The following BRI3 variants were observed in gnomAD, a reference collection of about 807,000 sequenced individuals.
BRI3 encodes the protein brain protein I3, also known as membrane protein BRI3.
BRI3 carries 6 observed loss-of-function variants against 12.8 expected under a neutral mutation model. The observed-to-expected ratio is 0.47, with a 90% CI of 0.26 to 0.93. BRI3 has a LOEUF of 0.93. Ranked by LOEUF, BRI3 falls within the 40% of genes least tolerant of loss-of-function variation. BRI3 has a pLI of 0.15. For missense variants in BRI3, 134 were observed against 171.1 expected (o/e 0.78, Z 1.21); for synonymous variants, 91 against 76.1 (o/e 1.20, Z -1.02).
chr7:98,319,113 C>CA, the BRI3 span, among the ~76,000 whole-genome samples: 6 of 152,168 alleles, frequency 3.9e-5, no homozygotes, highest in Admixed American at 1.3e-4. Flanking sequence ...ACGAGGACGA[C>CA]AGGGGAGGGA....
In BRI3 at chr7:98,281,726, CGCCGCCGCGTCCCCCGCCGGG is replaced by C. The variant is rs1168485065; in HGVS notation, c.-65_-45del. The C allele has an allele frequency of 3.5e-6, 3 of 851,456 alleles. No homozygotes were observed. The highest frequency in any genetic ancestry group is 4.2e-6 in the Non-Finnish European group (3 of 713,538). 52.7% of individuals were successfully genotyped at this position (851,456 alleles called of 1,614,324 possible). ...ACCCGGTCCGCCGCGTCCCCGCCGCCGCCGCCGCGTCCCCCGCCGGGGCCGACCGAGCCGAGCCGGGCCGGA... is the reference window on the plus strand; with the variant it reads ...ACCCGGTCCGCCGCGTCCCCGCCGCCGCCGACCGAGCCGAGCCGGGCCGGA... On this transcript the variant is annotated 5_prime_UTR_variant, in exon 1 of 3. Transcript: ENST00000297290.
chr7:98,307,278 G>T (rs1800695459), intron 1 of BRI3: 1 of 514,252 alleles, frequency 1.9e-6, no homozygotes, highest in Non-Finnish European at 2.6e-6. Context: ...GCTAATTTTT[G>T]TATTTTTCGT....
At chr7:98,289,292 G>A (rs749973318) in intron 2 of BRI3, among the ~76,000 whole-genome samples, 3 of 152,234 alleles carry the variant, frequency 2.0e-5, no homozygotes, top group Non-Finnish European at 4.4e-5. Context: ...CCCGACTTCA[G>A]AATATTCTGG....
At chr7:98,301,690 T>A (rs931694207), upstream of BRI3, among the ~76,000 whole-genome samples, 2 of 151,954 alleles carry the variant, frequency 1.3e-5, no homozygotes, top group Admixed American at 1.3e-4. Flanking sequence ...CACGCGCGTC[T>A]GTGTGTGTGG....
At chr7:98,283,841 C>T (rs1259574548) in intron 2 of BRI3, among the ~76,000 whole-genome samples, 1 of 152,174 alleles carries the variant, frequency 6.6e-6, no homozygotes, top group Non-Finnish European at 1.5e-5. Context: ...TGCCCAAACC[C>T]CTGAACTTGG....
In BRI3 at chr7:98,307,700, G is replaced by T. The variant is rs147254651; in HGVS notation, n.330G>T. 6 of 1,613,930 alleles carry T rather than the reference G, an allele frequency of 3.7e-6. No individual in the cohort carries two copies. In the Admixed American group the frequency reaches 8.3e-5, roughly 22 times the overall value. Reference sequence around the variant, plus strand: ...ACGCCCAGACTTACGCCTTGGACACGTCGTGTTCTCCATAGAGCCAGCCAT... The same window carrying T: ...ACGCCCAGACTTACGCCTTGGACACTTCGTGTTCTCCATAGAGCCAGCCAT... On this transcript the variant is annotated non_coding_transcript_exon_variant, in exon 2 of 2. Transcript: ENST00000485422.
chr7:98,291,007 A>G (rs1357479758), intron 2 of BRI3, 104 bp from the exon 3 acceptor site: 7 of 1,333,064 alleles, frequency 5.3e-6, no homozygotes, highest in East Asian at 2.3e-5. Flanking sequence ...TCCCCATGTG[A>G]CTCATGGCCA....
At chr7:98,314,272 C>A (rs1265564701), downstream of BRI3, among the ~76,000 whole-genome samples, 3 of 152,084 alleles carry the variant, frequency 2.0e-5, no homozygotes, top group Admixed American at 1.3e-4. Context: ...CGTGAGCCAC[C>A]ATGCGCAGTC....
At chr7:98,296,728 G>A (rs1267876856), downstream of BRI3, among the ~76,000 whole-genome samples, 2 of 152,220 alleles carry the variant, frequency 1.3e-5, no homozygotes, top group Non-Finnish European at 2.9e-5. Flanking sequence ...ATGTTTCTCA[G>A]GGACCTGAAA....
chr7:98,315,914 G>A, the BRI3 span, among the ~76,000 whole-genome samples: 2 of 152,124 alleles, frequency 1.3e-5, no homozygotes, highest in East Asian at 3.8e-4. Flanking sequence ...AAGCACCACG[G>A]GCTTTGGAAC....
chr7:98,316,478 T>A, the BRI3 span, among the ~76,000 whole-genome samples: 1 of 152,174 alleles, frequency 6.6e-6, no homozygotes. Flanking sequence ...TATACTTAAC[T>A]CAGGGAAACT....
At chr7:98,286,049 C>T (rs918875457) in intron 2 of BRI3, among the ~76,000 whole-genome samples, 5 of 152,106 alleles carry the variant, frequency 3.3e-5, no homozygotes, top group Non-Finnish European at 1.5e-5. Context: ...CCCTGTGACA[C>T]TGCCTTTGGG....
chr7:98,300,726 A>G (rs1016950805), intron 1 of BRI3, among the ~76,000 whole-genome samples: 3 of 152,062 alleles, frequency 2.0e-5, no homozygotes, highest in African/African-American at 7.2e-5. Flanking sequence ...GGTACGAAAG[A>G]CAGGAGGGCA....
At chr7:98,286,858 C>T (rs773884159) in intron 2 of BRI3, among the ~76,000 whole-genome samples, 125 of 152,366 alleles carry the variant, frequency 8.2e-4, no homozygotes, top group South Asian at 2.7e-3. Context: ...CAGTTCAGGT[C>T]ACATGTTGCT....
downstream of BRI3, among the ~76,000 whole-genome samples, chr7:98,293,908 AAAG>A (rs1390562460): frequency 6.6e-6 from 1 of 152,206 alleles, no homozygotes; most frequent in Non-Finnish European, 1.5e-5. Flanking sequence ...AGCGTGGTCT[AAAG>A]TAGTTGGTAA....
At chr7:98,316,691 C>T in the BRI3 span, among the ~76,000 whole-genome samples, 1 of 152,042 alleles carries the variant, frequency 6.6e-6, no homozygotes, top group Non-Finnish European at 1.5e-5. Flanking sequence ...CTATAGTCAC[C>T]CTACTCTGCT....
chr7:98,315,622 A>ATAATAATAATAAT, the BRI3 span: 5 of 1,072,928 alleles, frequency 4.7e-6, no homozygotes, highest in Non-Finnish European at 6.0e-6. Context: ...ACTAAAAAAA[A>ATAATAATAATAAT]AAAAATAATA....
Position 98,307,469 on chromosome 7 carries a change from C to G in BRI3, n.145-46C>G, listed in dbSNP as rs190815506. ...CTACTTTCAGACAGGTGACTTCATA[C>G]GCTCTAATAACTATGCATGCACCAA... On this transcript the variant is annotated intron_variant and non_coding_transcript_variant, in intron 1 of 1. Transcript: ENST00000485422. 45 of 1,410,130 alleles carry G rather than the reference C, an allele frequency of 3.2e-5. No homozygotes were observed. The East Asian group carries it at 1.1e-3, about 35-fold the overall frequency. The allele number at this position is 1,410,130 out of a possible 1,614,324, so 87.4% of individuals were successfully genotyped here.
At chr7:98,295,807 G>A (rs1800165303), downstream of BRI3, among the ~76,000 whole-genome samples, 1 of 152,086 alleles carries the variant, frequency 6.6e-6, no homozygotes, top group Admixed American at 6.5e-5. Context: ...GGGCCCCCAC[G>A]GGACTTTAAA....
Sources: allele counts gnomAD v4.1 joint callset (sites outside exome capture counted in the v4.1 genomes callset), GRCh38; gene constraint gnomAD v4.1.1; transcripts MANE v1.5; gene names NCBI Gene and HGNC (gene_info 2026-07-23, HGNC 2026-07-21).